ADARB2: variants seen among roughly 807,000 people sequenced by gnomAD.
The protein encoded by ADARB2 is adenosine deaminase RNA specific B2 (inactive), also known as inactive double-stranded RNA-specific editase B2.
A neutral mutation model predicts 62.2 loss-of-function variants in ADARB2; 25 were observed. The ratio of observed to expected loss-of-function variants is 0.40; its 90% CI spans 0.29 to 0.56. The LOEUF is 0.56. Among genes scored for constraint, ADARB2 ranks in the 20% least tolerant of loss-of-function variants. The probability of loss-of-function intolerance (pLI) is 0.43; values close to 1 mark genes in which losing one functional copy is unlikely to be tolerated. For missense variants in ADARB2, 1,071 were observed against 1,077.4 expected (o/e 0.99, Z 0.08); for synonymous variants, 572 against 500.8 (o/e 1.14, Z -1.90).
intron 3 of ADARB2, among the ~76,000 whole-genome samples, chr10:1,302,454 G>A (rs935319255): frequency 2.6e-5 from 4 of 152,242 alleles, no homozygotes; most frequent in Non-Finnish European, 5.9e-5. Context: ...CTGGGGGAGG[G>A]GCGCCCACCA....
intron 1 of ADARB2, among the ~76,000 whole-genome samples, chr10:1,495,149 T>C (rs1025249180): frequency 2.0e-5 from 3 of 152,302 alleles, no homozygotes; most frequent in South Asian, 4.1e-4. Context: ...TTATCATAAT[T>C]AGTAGAAATT....
At chr10:1,569,537 A>G (rs909107552) in intron 1 of ADARB2, among the ~76,000 whole-genome samples, 5 of 152,160 alleles carry the variant, frequency 3.3e-5, no homozygotes, top group East Asian at 1.9e-4. Flanking sequence ...GACTCCGTCT[A>G]TTTTTCAGCT....
At chr10:1,422,057 G>A (rs1302995081) in intron 1 of ADARB2, among the ~76,000 whole-genome samples, 1 of 152,138 alleles carries the variant, frequency 6.6e-6, no homozygotes, top group Non-Finnish European at 1.5e-5. Context: ...CCCACCAAAA[G>A]GCCCAACAAT....
At chr10:1,442,122 A>G (rs934658396) in intron 1 of ADARB2, among the ~76,000 whole-genome samples, 5 of 152,218 alleles carry the variant, frequency 3.3e-5, no homozygotes, top group African/African-American at 1.2e-4. Flanking sequence ...AATTTAAACA[A>G]TATAACTGTG....
chr10:1,549,711 C>G (rs1832587267), intron 1 of ADARB2, among the ~76,000 whole-genome samples: 1 of 152,204 alleles, frequency 6.6e-6, no homozygotes, highest in African/African-American at 2.4e-5. Context: ...TCCCCATCCT[C>G]TAGACTCCAA....
intron 3 of ADARB2, among the ~76,000 whole-genome samples, chr10:1,294,378 CACTT>C (rs1288881574): frequency 2.0e-5 from 3 of 152,146 alleles, no homozygotes; most frequent in Non-Finnish European, 4.4e-5. Context: ...CGTGGCTCCT[CACTT>C]ACCCATCTTC....
chr10:1,458,999 T>G lies in ADARB2; in HGVS notation c.101-79839A>C, dbSNP rs1294706903. Among the ~76,000 whole-genome samples the G allele has an allele frequency of 2.6e-5, 4 of 152,316 alleles. No homozygotes were observed. In the South Asian group the frequency reaches 6.2e-4, roughly 24 times the overall value. On this transcript the variant is annotated intron_variant, in intron 1 of 9. Transcript: ENST00000381312. The stretch of plus-strand genomic sequence containing the variant: ...ATAAAAACTGTAATGAGGTACCATC[T>G]CACACAAGTCAGAATGGCTATTATT...
chr10:1,217,184 GA>G (rs1830637132), intron 6 of ADARB2, 65 bp from the exon 7 acceptor site: 1 of 1,442,044 alleles, frequency 6.9e-7, no homozygotes, highest in East Asian at 2.6e-5. Flanking sequence ...GGAGGTGGGA[GA>G]AGAGGAAGGA....
At chr10:1,206,842 C>T (rs1045329388) in intron 7 of ADARB2, among the ~76,000 whole-genome samples, 3 of 152,166 alleles carry the variant, frequency 2.0e-5, no homozygotes, top group Non-Finnish European at 2.9e-5. Flanking sequence ...GCAGATGGTG[C>T]GCTTGTCACC....
chr10:1,707,810 C>T (rs1281631157), intron 1 of ADARB2, among the ~76,000 whole-genome samples: 1 of 152,204 alleles, frequency 6.6e-6, no homozygotes, highest in African/African-American at 2.4e-5. Flanking sequence ...CTGCAGGCAG[C>T]ACAGAATTCA....
intron 1 of ADARB2, among the ~76,000 whole-genome samples, chr10:1,425,815 C>T (rs578031919): frequency 5.3e-5 from 8 of 152,314 alleles, no homozygotes; most frequent in African/African-American, 1.4e-4. Flanking sequence ...GCCATGAAGA[C>T]ATCATGGGCA....
At chr10:1,630,488 G>A (rs1433285933) in intron 1 of ADARB2, among the ~76,000 whole-genome samples, 4 of 152,230 alleles carry the variant, frequency 2.6e-5, no homozygotes, top group South Asian at 4.2e-4. Flanking sequence ...CAGAAGCCAC[G>A]AGTCATTTAC....
chr10:1,403,458 GT>G, intron 1 of ADARB2, among the ~76,000 whole-genome samples: 1 of 152,138 alleles, frequency 6.6e-6, no homozygotes, highest in South Asian at 2.1e-4. Context: ...TTATATATAC[GT>G]TTTTTAAGGG....
At chr10:1,423,177 G>A (rs1411028001) in intron 1 of ADARB2, among the ~76,000 whole-genome samples, 1 of 152,136 alleles carries the variant, frequency 6.6e-6, no homozygotes, top group Non-Finnish European at 1.5e-5. Flanking sequence ...CTTTGCCACC[G>A]CCTTCCCAGC....
At chr10:1,290,835 A>G (rs1019545602) in intron 3 of ADARB2, 1 of 152,258 alleles carries the variant, frequency 6.6e-6, no homozygotes, top group Non-Finnish European at 1.5e-5. Flanking sequence ...AACACAGAAA[A>G]TAAACTAAAA....
intron 1 of ADARB2, among the ~76,000 whole-genome samples, chr10:1,706,110 G>C (rs775773660): frequency 6.6e-6 from 1 of 152,198 alleles, no homozygotes; most frequent in Non-Finnish European, 1.5e-5. Flanking sequence ...ATGTTGACTT[G>C]CTTTTATCAG....
At chr10:1,359,385 C>G (rs547029358) in intron 3 of ADARB2, among the ~76,000 whole-genome samples, 18 of 152,330 alleles carry the variant, frequency 1.2e-4, no homozygotes, top group Non-Finnish European at 1.8e-4. Flanking sequence ...TCCCATGAAG[C>G]TGATGGGTTA....
At chr10:1,266,663 T>C (rs1831207516) in intron 4 of ADARB2, among the ~76,000 whole-genome samples, 1 of 151,900 alleles carries the variant, frequency 6.6e-6, no homozygotes, top group Non-Finnish European at 1.5e-5. Flanking sequence ...AATACCAGTC[T>C]AACGTCTCGT....
intron 3 of ADARB2, among the ~76,000 whole-genome samples, chr10:1,273,950 G>A (rs566204431): frequency 6.6e-6 from 1 of 152,312 alleles, no homozygotes; most frequent in South Asian, 2.1e-4. Flanking sequence ...TCTGGGAGGT[G>A]GGGAGGCTTG....
Sources: gnomAD v4.1 joint callset for allele counts (sites outside exome capture counted in the v4.1 genomes callset) on GRCh38, gnomAD v4.1.1 for gene constraint, MANE v1.5 for transcripts, NCBI Gene and HGNC (gene_info 2026-07-23, HGNC 2026-07-21) for gene names.